The following RPP30 variants were observed in gnomAD, a reference collection of about 807,000 sequenced individuals.
RPP30 encodes ribonuclease P/MRP subunit p30.
Under a neutral mutation model 38.6 loss-of-function variants are expected in RPP30, and 36 were observed. The ratio of observed to expected loss-of-function variants is 0.93; its 90% CI spans 0.71 to 1.23. RPP30 has a LOEUF of 1.23. Among genes scored for constraint, RPP30 ranks in the 50% most tolerant of loss-of-function variants. RPP30 has a pLI of 0.00. For synonymous variants in RPP30, 126 were observed against 112.7 expected, an observed-to-expected ratio of 1.12 and a Z score of -0.75; for missense variants, 321 against 321.7, an observed-to-expected ratio of 1.00 and a Z score of 0.02.
At chr10:90,888,187 T>G (rs1012441399) in intron 6 of RPP30, among the ~76,000 whole-genome samples, 2 of 152,196 alleles carry the variant, frequency 1.3e-5, no homozygotes, top group African/African-American at 4.8e-5. Flanking sequence ...TTTTCACCTT[T>G]TTCTTCATCT....
At chr10:90,891,722 G>A (rs7909232) in intron 6 of RPP30, among the ~76,000 whole-genome samples, 73,992 of 152,104 alleles carry the variant, frequency 0.49, 21,595 homozygotes, top group African/African-American at 0.83. Context: ...CTTTTGGATA[G>A]GAAAGAAAAA....
At chr10:90,885,930 A>G (rs4144422) in intron 6 of RPP30, 29 bp downstream of exon 6, 292,137 of 1,388,106 alleles carry the variant, frequency 0.21, 33,026 homozygotes, top group African/African-American at 0.42. Context: ...CTGTATTTGA[A>G]TCTTAGAAAC....
intron 10 of RPP30, among the ~76,000 whole-genome samples, chr10:90,897,465 G>A (rs1847153522): frequency 6.6e-6 from 1 of 152,166 alleles, no homozygotes; most frequent in African/African-American, 2.4e-5. Context: ...TTTAGTTTGA[G>A]ATTTTTGTAT....
At chr10:90,905,150 C>A (rs1264645139), downstream of RPP30, among the ~76,000 whole-genome samples, 2 of 152,140 alleles carry the variant, frequency 1.3e-5, no homozygotes, top group Non-Finnish European at 2.9e-5. Flanking sequence ...AGGAAGGTTT[C>A]ATATGCTTAG....
chr10:90,879,201 T>C, intron 5 of RPP30, 67 bp downstream of exon 5: 2 of 1,273,638 alleles, frequency 1.6e-6, no homozygotes, highest in Non-Finnish European at 1.1e-6. Context: ...TGTTCTGACT[T>C]TGTAGATGAC....
intron 5 of RPP30, among the ~76,000 whole-genome samples, chr10:90,882,543 G>A (rs1485532679): frequency 2.6e-5 from 4 of 152,110 alleles, no homozygotes; most frequent in Non-Finnish European, 5.9e-5. Flanking sequence ...GGCACCTGTA[G>A]TCCCAGCTAC....
intron 10 of RPP30, among the ~76,000 whole-genome samples, chr10:90,896,756 G>A (rs7900048): frequency 0.48 from 73,676 of 151,994 alleles, 21,459 homozygotes; most frequent in African/African-American, 0.83. Context: ...TTAAAAATAT[G>A]TGTTAAACTA....
chr10:90,907,689 TC>T (rs1847268263), downstream of RPP30, among the ~76,000 whole-genome samples: 2 of 152,208 alleles, frequency 1.3e-5, no homozygotes, highest in African/African-American at 4.8e-5. Flanking sequence ...AGAGCAGTGT[TC>T]CTGCTACCTG....
chr10:90,881,844 G>T (rs1247976750), intron 5 of RPP30, among the ~76,000 whole-genome samples: 1 of 152,188 alleles, frequency 6.6e-6, no homozygotes, highest in Admixed American at 6.5e-5. Context: ...AACTAAGTTA[G>T]GTCTCCAAGA....
At chr10:90,889,971 C>A (rs1847054059) in intron 6 of RPP30, among the ~76,000 whole-genome samples, 1 of 152,170 alleles carries the variant, frequency 6.6e-6, no homozygotes, top group Admixed American at 6.5e-5. Flanking sequence ...CACATGACTT[C>A]AGATTATTTA....
downstream of RPP30, chr10:90,906,186 C>G (rs1847253340): frequency 6.6e-6 from 1 of 152,140 alleles, no homozygotes; most frequent in South Asian, 2.1e-4. Flanking sequence ...CAAAGTACAA[C>G]AGGAAGACAC....
In RPP30 at chr10:90,885,766, G is replaced by C. The variant is rs527704078; in HGVS notation, c.343-46G>C. 4.1e-6 allele frequency: 5 copies of C among 1,230,142 alleles called. No individual in the cohort carries two copies. The African/African-American group carries it at 7.4e-5, about 18-fold the overall frequency. 76.2% of individuals were successfully genotyped at this position (1,230,142 alleles called of 1,614,324 possible). ...TTGACCCTATCTCCCATTCTTACTT[G>C]TGCCAATTTTCCTTTTGGCCTTACC... On this transcript the variant is annotated intron_variant, in intron 5 of 10. Transcript: ENST00000371703.
chr10:90,895,017 G>A, intron 7 of RPP30, 126 bp downstream of exon 7: 1 of 782,642 alleles, frequency 1.3e-6, no homozygotes, highest in Non-Finnish European at 2.3e-6. Context: ...AACAAATTCT[G>A]CCATTTCAGT....
intron 6 of RPP30, among the ~76,000 whole-genome samples, chr10:90,893,968 T>TA (rs1400855378): frequency 6.6e-6 from 1 of 152,208 alleles, no homozygotes; most frequent in Non-Finnish European, 1.5e-5. Context: ...CTCATCTACT[T>TA]ACCTGTGGAT....
rs781506332 is a variant in RPP30, at chr10:90,875,616, T to C, written c.195+2T>C. 4 of 1,611,632 alleles carry C rather than the reference T, an allele frequency of 2.5e-6. No homozygotes were observed. The highest frequency in any genetic ancestry group is 2.2e-5 in the East Asian group (1 of 44,808). ...TTCACAACTTTGCCAATTGTACAGG[T>C]AGGTGTTTTGTTGTTTACGAAGCAT... On this transcript the variant is annotated splice_donor_variant, in intron 3 of 10. Coordinates refer to ENST00000371703, the MANE Select transcript of RPP30 (RefSeq NM_006413.5). LOFTEE classifies it high-confidence loss of function.
chr10:90,884,171 C>G (rs1482310551), intron 5 of RPP30, among the ~76,000 whole-genome samples: 1 of 152,128 alleles, frequency 6.6e-6, no homozygotes, highest in African/African-American at 2.4e-5. Context: ...TGTCATTGTA[C>G]TAATGTCCCC....
chr10:90,902,524 C>T (rs1006310621), downstream of RPP30, among the ~76,000 whole-genome samples: 1 of 152,100 alleles, frequency 6.6e-6, no homozygotes, highest in Non-Finnish European at 1.5e-5. Context: ...CCATACCCGG[C>T]CTTCCAGTTC....
chr10:90,895,811 A>G lies in RPP30; in HGVS notation c.580-69A>G, dbSNP rs550568752. ...TTTTGGATACTTAAATTTTCTATTA[A>G]TTTGCTATAAGTCATTGAAATGTTA... On this transcript the variant is annotated intron_variant, in intron 8 of 10. Coordinates refer to ENST00000371703, the MANE Select transcript of RPP30 (RefSeq NM_006413.5). 88,496 of 1,132,976 alleles carry G rather than the reference A, an allele frequency of 0.078. 4,010 individuals are homozygous for G. Among genetic ancestry groups the G allele is most frequent in the Non-Finnish European group, 0.088 (69,592 of 790,424 alleles). 70.2% of individuals were successfully genotyped at this position (1,132,976 alleles called of 1,614,324 possible). A position where few individuals can be genotyped will look rare whatever the true frequency, so the allele number is the denominator to read the frequency against.
intron 6 of RPP30, among the ~76,000 whole-genome samples, chr10:90,891,433 G>A (rs1441520252): frequency 6.6e-6 from 1 of 152,158 alleles, no homozygotes; most frequent in Non-Finnish European, 1.5e-5. Flanking sequence ...CATCTACAGT[G>A]ACCCTATTTC....
Sources: allele counts gnomAD v4.1 joint callset (sites outside exome capture counted in the v4.1 genomes callset), GRCh38; gene constraint gnomAD v4.1.1; transcripts MANE v1.5; gene names NCBI Gene and HGNC (gene_info 2026-07-23, HGNC 2026-07-21).